DNAH8: variants seen among roughly 807,000 people sequenced by gnomAD.
DNAH8 encodes axonemal beta dynein heavy chain 8.
DNAH8 carries 382 observed loss-of-function variants against 562.1 expected under a neutral mutation model. That is an observed-to-expected ratio of 0.68 (90% CI 0.63 to 0.74). The LOEUF (loss-of-function observed/expected upper bound fraction) is 0.74, where lower values mean the gene tolerates loss of function less well. Ranked by LOEUF, DNAH8 falls within the 30% of genes least tolerant of loss-of-function variation. DNAH8 has a pLI of 0.00. For synonymous variants in DNAH8, 1,881 were observed against 1,919.4 expected (o/e 0.98, Z 0.52); for missense variants, 5,203 against 5,620.4 (o/e 0.93, Z 2.37).
At chr6:38,723,802 G>A (rs1421868960) in intron 3 of DNAH8, among the ~76,000 whole-genome samples, 1 of 151,992 alleles carries the variant, frequency 6.6e-6, no homozygotes, top group Non-Finnish European at 1.5e-5. Flanking sequence ...CTTGAGCCTG[G>A]GAGGTGGAGG....
chr6:38,869,562 A>T (rs943769933), intron 48 of DNAH8, among the ~76,000 whole-genome samples: 2 of 152,220 alleles, frequency 1.3e-5, no homozygotes, highest in Admixed American at 1.3e-4. Context: ...CATTAAAGAC[A>T]TTGCAAGCAA....
chr6:38,734,111 G>A (rs568469361), intron 4 of DNAH8, among the ~76,000 whole-genome samples: 72 of 142,724 alleles, frequency 5.0e-4, no homozygotes, highest in African/African-American at 1.7e-3. Context: ...GTGAAACCCC[G>A]TCTCTAAGAA....
In DNAH8 at chr6:38,816,079, T is replaced by G. The variant is rs538845400; in HGVS notation, c.3523+422T>G. The stretch of plus-strand genomic sequence containing the variant: ...TTTATTTTGTTTTATTTTATTTTAT[T>G]TTATTTTATTTTAGTTCTAGGGTAC... On this transcript the variant is annotated intron_variant, in intron 26 of 92. Coordinates refer to ENST00000327475, the MANE Select transcript of DNAH8 (RefSeq NM_001206927.2). Among the ~76,000 whole-genome samples the G allele has an allele frequency of 3.9e-4, 59 of 152,112 alleles. 1 individual carries two copies. In the South Asian group the frequency reaches 0.012, roughly 31 times the overall value.
At chr6:38,783,942 C>T (rs1009052132) in intron 17 of DNAH8, among the ~76,000 whole-genome samples, 7 of 152,202 alleles carry the variant, frequency 4.6e-5, no homozygotes, top group African/African-American at 1.4e-4. Flanking sequence ...AGCACAAGTT[C>T]TGCAGGTGGG....
intron 32 of DNAH8, 91 bp downstream of exon 32, chr6:38,834,732 G>GT: frequency 2.0e-6 from 2 of 1,019,930 alleles, no homozygotes; most frequent in Non-Finnish European, 3.0e-6. Context: ...TAATAGAAAA[G>GT]TTTGTATTTC....
In DNAH8 at chr6:38,868,095, T is replaced by C; in HGVS notation, c.6727T>C (p.Ser2243Pro). ...HYDFGLRNIL[S>P]VLRTLGSQKR... ...TGACTTTGGATTGAGAAATATTCTG[T>C]CTGTATTGAGGACTCTTGGATCTCA... The change falls in exon 48 of 93, where the codon TCT (serine) becomes CCT (proline). Residue 2243 changes from serine to proline, a missense_variant. By Grantham distance (74) the Ser-to-Pro change is moderately conservative. This residue lies in a region of DNAH8 where 2,176 missense variants were observed against 2,365.1 expected (regional missense o/e 0.92). Coordinates refer to ENST00000327475, the MANE Select transcript of DNAH8 (RefSeq NM_001206927.2). 6.2e-7 allele frequency: 1 copy of C among 1,613,260 alleles called. No individual in the cohort carries two copies. Among genetic ancestry groups the C allele is most frequent in the African/African-American group, 1.3e-5 (1 of 74,972 alleles).
intron 82 of DNAH8, among the ~76,000 whole-genome samples, chr6:38,952,808 G>A (rs1293841168): frequency 6.6e-6 from 1 of 152,150 alleles, no homozygotes; most frequent in Admixed American, 6.5e-5. Flanking sequence ...AGAGCTCCCA[G>A]GTTCTATTGG....
rs779286785 is a variant in DNAH8, at chr6:38,872,662, C to A, written c.7117C>A (p.Arg2373=). 3 of 1,614,016 alleles carry A rather than the reference C, an allele frequency of 1.9e-6. No individual in the cohort carries two copies. Among genetic ancestry groups the A allele is most frequent in the Non-Finnish European group, 1.7e-6 (2 of 1,179,970 alleles). ...TECGRPHREM[R]MNPKAITAPQ... The stretch of plus-strand genomic sequence containing the variant: ...ATGCGGAAGGCCTCATAGAGAAATG[C>A]GAATGAATCCAAAAGCCATTACTGC... Residue 2373 remains arginine (R), a synonymous_variant, in exon 50 of 93, where the codon CGA becomes AGA. Coordinates refer to ENST00000327475, the MANE Select transcript of DNAH8 (RefSeq NM_001206927.2).
At chr6:38,849,883 T>A (rs1045577511) in intron 37 of DNAH8, among the ~76,000 whole-genome samples, 3 of 152,184 alleles carry the variant, frequency 2.0e-5, no homozygotes, top group Non-Finnish European at 4.4e-5. Context: ...GAGATCAAAT[T>A]ATTTTCATGC....
chr6:38,721,462 G>A (rs368632585), intron 1 of DNAH8, among the ~76,000 whole-genome samples: 6 of 151,708 alleles, frequency 4.0e-5, no homozygotes, highest in Non-Finnish European at 8.8e-5. Flanking sequence ...CTATGATCAC[G>A]CCACTGCACC....
chr6:38,908,445 G>A (rs1780643921), intron 64 of DNAH8, among the ~76,000 whole-genome samples: 1 of 152,174 alleles, frequency 6.6e-6, no homozygotes, highest in Non-Finnish European at 1.5e-5. Context: ...TTACTATAAT[G>A]TCTCTGATGT....
intron 80 of DNAH8, among the ~76,000 whole-genome samples, chr6:38,947,365 A>C (rs985488044): frequency 3.9e-5 from 6 of 152,186 alleles, no homozygotes; most frequent in African/African-American, 1.4e-4. Flanking sequence ...TCAGGAACTG[A>C]AATATAATAG....
chr6:38,758,318 G>T (rs1242763721), intron 10 of DNAH8, among the ~76,000 whole-genome samples: 2 of 151,578 alleles, frequency 1.3e-5, no homozygotes, highest in Non-Finnish European at 2.9e-5. Flanking sequence ...CTCATGATTT[G>T]GCTCTCTGTT....
intron 8 of DNAH8, 22 bp from the exon 9 acceptor site, chr6:38,750,454 T>C (rs1156857932): frequency 1.1e-5 from 17 of 1,544,354 alleles, no homozygotes; most frequent in Non-Finnish European, 1.5e-5. Flanking sequence ...TTTCATAGAA[T>C]TCTTATACCT....
chr6:38,844,294 CT>C (rs993960724), intron 35 of DNAH8, among the ~76,000 whole-genome samples: 28 of 152,112 alleles, frequency 1.8e-4, no homozygotes, highest in Non-Finnish European at 2.6e-4. Flanking sequence ...ATATGTTTGT[CT>C]TTTTTTTAAG....
At position 38,932,215 on chromosome 6, in the gene DNAH8, C is replaced by CACACACACACAT. The variant is rs1199457741; in HGVS notation, c.11457+224_11457+225insACACACACATAC. On this transcript the variant is annotated intron_variant, in intron 76 of 92. Coordinates refer to ENST00000327475, the MANE Select transcript of DNAH8 (RefSeq NM_001206927.2). Reference sequence around the variant, plus strand: ...ACACACACACACACACACACACACACACCCGTCTCTTTCTACTTCTGTCTT... The same window carrying CACACACACACAT: ...ACACACACACACACACACACACACACACACACACACATACCCGTCTCTTTCTACTTCTGTCTT... Among the ~76,000 whole-genome samples the CACACACACACAT allele has an allele frequency of 2.6e-3, 398 of 150,686 alleles. 1 individual carries two copies. The highest frequency in any genetic ancestry group is 8.1e-3 in the African/African-American group (329 of 40,388).
At chr6:38,936,092 T>C (rs1782939773) in intron 77 of DNAH8, among the ~76,000 whole-genome samples, 1 of 151,848 alleles carries the variant, frequency 6.6e-6, no homozygotes, top group East Asian at 1.9e-4. Flanking sequence ...CTCATGCTTC[T>C]AATCCCAGCA....
chr6:38,893,744 AG>A (rs1400675992), intron 58 of DNAH8, among the ~76,000 whole-genome samples: 1 of 152,224 alleles, frequency 6.6e-6, no homozygotes, highest in Non-Finnish European at 1.5e-5. Context: ...CAAACTCAAT[AG>A]GGTAATTTTT....
Position 38,866,870 on chromosome 6 carries a change from TA to T in DNAH8, c.6690del (p.Lys2230AsnfsTer9). 1 of 1,591,540 alleles carries T rather than the reference TA, an allele frequency of 6.3e-7. No individual in the cohort carries two copies. The highest frequency in any genetic ancestry group is 8.6e-7 in the Non-Finnish European group (1 of 1,161,328). On this transcript the variant is annotated frameshift_variant, in exon 47 of 93. Coordinates refer to ENST00000327475, the MANE Select transcript of DNAH8 (RefSeq NM_001206927.2). LOFTEE classifies it high-confidence loss of function. ...ACAAACTCTGTGAAGAGCAACTTAC[TA>T]AACAGGTAACTTTATAGATCTGCTT... The part of the protein sequence containing the change: ...LYKLCEEQLT[K>X]QVHYDFGLRN...
Sources: gnomAD v4.1 joint callset for allele counts (sites outside exome capture counted in the v4.1 genomes callset) on GRCh38, gnomAD v4.1.1 for gene constraint, gnomAD v4.1.1 regional missense constraint, MANE v1.5 for transcripts, NCBI Gene and HGNC (gene_info 2026-07-23, HGNC 2026-07-21) for gene names.